MAP3K1: variants seen among roughly 807,000 people sequenced by gnomAD.
The protein encoded by MAP3K1 is mitogen-activated protein kinase kinase kinase 1.
A neutral mutation model predicts 144.2 loss-of-function variants in MAP3K1; 36 were observed. The ratio of observed to expected loss-of-function variants is 0.25; its 90% CI spans 0.19 to 0.33. The LOEUF (loss-of-function observed/expected upper bound fraction) is 0.33, where lower values mean the gene tolerates loss of function less well. Ranked by LOEUF, MAP3K1 falls within the 10% of genes least tolerant of loss-of-function variation. The pLI is 1.00. For missense variants in MAP3K1, 1,650 were observed against 1,881.9 expected, an observed-to-expected ratio of 0.88 and a Z score of 2.28; for synonymous variants, 718 against 688.7, an observed-to-expected ratio of 1.04 and a Z score of -0.67.
intron 19 of MAP3K1, among the ~76,000 whole-genome samples, chr5:56,892,701 G>A (rs1439501906): frequency 6.6e-6 from 1 of 152,128 alleles, no homozygotes; most frequent in Non-Finnish European, 1.5e-5. Context: ...TTATTTTTAG[G>A]AATGCATTTC....
In MAP3K1 at chr5:56,888,339, T is replaced by A; in HGVS notation, c.4371T>A (p.His1457Gln). The A allele has an allele frequency of 6.2e-7, 1 of 1,614,092 alleles. No individual in the cohort carries two copies. Among genetic ancestry groups the A allele is most frequent in the Non-Finnish European group, 8.5e-7 (1 of 1,179,988 alleles). ...PPWNAEKHSNHLALIFKIASA... is the reference protein window; with the variant it reads ...PPWNAEKHSNQLALIFKIASA... ...GGAATGCAGAAAAACACTCCAATCA[T>A]CTTGCTTTGATATTTAAGGTAATTG... The change falls in exon 19 of 20, where the codon CAT becomes CAA. Residue 1457 changes from histidine (H) to glutamine (Q), a missense_variant. By Grantham distance (24) the His-to-Gln change is conservative (BLOSUM62 0). Around this residue, in one of 6 missense-constraint regions of MAP3K1, gnomAD observed 165 missense variants for 322.9 expected, o/e 0.51. Coordinates refer to ENST00000399503, the MANE Select transcript of MAP3K1 (RefSeq NM_005921.2).
intron 10 of MAP3K1, among the ~76,000 whole-genome samples, chr5:56,876,913 A>AT (rs1222076201): frequency 6.6e-6 from 1 of 152,176 alleles, no homozygotes; most frequent in African/African-American, 2.4e-5. Flanking sequence ...CCTAAAGCAT[A>AT]TTCTGTGGAA....
At chr5:56,845,687 A>G (rs925781992) in intron 1 of MAP3K1, among the ~76,000 whole-genome samples, 2 of 152,254 alleles carry the variant, frequency 1.3e-5, no homozygotes, top group African/African-American at 2.4e-5. Flanking sequence ...TCTGTGTTCA[A>G]CAATTAGGGA....
rs758657390 is a variant in MAP3K1, at chr5:56,888,175, T to G, written c.4258-51T>G. On this transcript the variant is annotated intron_variant, in intron 18 of 19. Transcript: ENST00000399503. The stretch of plus-strand genomic sequence containing the variant: ...TAGAATCTATAACTACAAAATGGCC[T>G]TCTCTTTTTCAAATGAGTCCTATTT... The G allele has an allele frequency of 4.4e-6, 7 of 1,575,416 alleles. No individual in the cohort carries two copies. The East Asian group carries it at 1.3e-4, about 30-fold the overall frequency.
At chr5:56,873,498 A>G (rs1747923383) in intron 9 of MAP3K1, among the ~76,000 whole-genome samples, 1 of 152,270 alleles carries the variant, frequency 6.6e-6, no homozygotes, top group East Asian at 1.9e-4. Context: ...TATTTGTAAG[A>G]ACAGTTTCCC....
intron 1 of MAP3K1, among the ~76,000 whole-genome samples, chr5:56,850,897 C>T (rs1747149553): frequency 6.6e-6 from 1 of 152,182 alleles, no homozygotes; most frequent in South Asian, 2.1e-4. Flanking sequence ...TAAGGATGAG[C>T]CATTTAATAA....
intron 1 of MAP3K1, among the ~76,000 whole-genome samples, chr5:56,826,291 G>T (rs1001666253): frequency 2.0e-5 from 3 of 152,152 alleles, no homozygotes; most frequent in Non-Finnish European, 4.4e-5. Flanking sequence ...ATTCTGCCGA[G>T]CTCTGGTTTA....
At chr5:56,886,410 G>C (rs372020939) in intron 17 of MAP3K1, among the ~76,000 whole-genome samples, 9 of 151,970 alleles carry the variant, frequency 5.9e-5, no homozygotes, top group African/African-American at 1.4e-4. Context: ...TCTCAAAGAA[G>C]AACAAAAAAA....
intron 1 of MAP3K1, among the ~76,000 whole-genome samples, chr5:56,818,943 C>T (rs919474716): frequency 1.1e-4 from 17 of 152,056 alleles, no homozygotes; most frequent in African/African-American, 3.6e-4. Context: ...TGACCTTTTA[C>T]TAAAGAGGAG....
intron 1 of MAP3K1, among the ~76,000 whole-genome samples, chr5:56,842,439 T>C (rs759879812): frequency 6.6e-6 from 1 of 152,230 alleles, no homozygotes; most frequent in Non-Finnish European, 1.5e-5. Context: ...TCTTACCTTG[T>C]AGCTTTGGTG....
chr5:56,854,364 C>T (rs1041876673), intron 1 of MAP3K1, among the ~76,000 whole-genome samples: 33 of 129,188 alleles, frequency 2.6e-4, no homozygotes, highest in African/African-American at 8.9e-4. Flanking sequence ...ACCTGGGAGG[C>T]GGAGGTTGCC....
At position 56,895,366 on chromosome 5, in the gene MAP3K1, G is replaced by GTT. The variant is rs369894303; in HGVS notation, c.*1700_*1701dup. On this transcript the variant is annotated 3_prime_UTR_variant, in exon 20 of 20. Transcript: ENST00000399503. ...TGTACTTGACTTTCTTTTTTATTTT[G>GTT]TTTTTTTTTTTTTTTGACTACTTAG... 0.056 allele frequency: 4,878 copies of GTT among 87,018 alleles called. 228 individuals carry two copies. Among genetic ancestry groups the GTT allele is most frequent in the African/African-American group, 0.18 (4,457 of 24,274 alleles). 5.4% of individuals were successfully genotyped at this position (87,018 alleles called of 1,614,324 possible). A position where few individuals can be genotyped will look rare whatever the true frequency, so the allele number is the denominator to read the frequency against.
chr5:56,884,445 T>C (rs1252718971), intron 15 of MAP3K1, among the ~76,000 whole-genome samples: 1 of 152,238 alleles, frequency 6.6e-6, no homozygotes, highest in African/African-American at 2.4e-5. Flanking sequence ...GAATATTGAC[T>C]ATATCCCAAT....
intron 9 of MAP3K1, among the ~76,000 whole-genome samples, chr5:56,873,679 A>T (rs1380927941): frequency 6.6e-6 from 1 of 152,216 alleles, no homozygotes; most frequent in East Asian, 1.9e-4. Context: ...AAAGTAAAAT[A>T]ATTATTTTCA....
intron 16 of MAP3K1, 109 bp downstream of exon 16, chr5:56,884,935 C>A (rs1263409294): frequency 2.9e-6 from 3 of 1,017,612 alleles, no homozygotes; most frequent in Non-Finnish European, 4.4e-6. Flanking sequence ...GTTTGGGTTT[C>A]TAAAAACAAA....
intron 9 of MAP3K1, 61 bp downstream of exon 9, chr5:56,873,066 G>A (rs1747908282): frequency 5.5e-6 from 8 of 1,448,658 alleles, no homozygotes; most frequent in Non-Finnish European, 7.7e-6. Flanking sequence ...TAATGTATTT[G>A]TCTCCTTCCC....
intron 6 of MAP3K1, among the ~76,000 whole-genome samples, chr5:56,868,384 T>A (rs995817408): frequency 2.0e-5 from 3 of 152,118 alleles, no homozygotes. Flanking sequence ...ATGGTTTCTT[T>A]CTTTCTTTTC....
intron 10 of MAP3K1, among the ~76,000 whole-genome samples, chr5:56,876,361 C>T (rs1399896127): frequency 6.6e-6 from 1 of 151,654 alleles, no homozygotes; most frequent in Non-Finnish European, 1.5e-5. Flanking sequence ...AGAATCACTA[C>T]TTTAATTCTT....
chr5:56,859,011 A>G (rs1333582689), intron 2 of MAP3K1, among the ~76,000 whole-genome samples: 2 of 151,684 alleles, frequency 1.3e-5, no homozygotes, highest in African/African-American at 4.9e-5. Flanking sequence ...CAGTTGTACA[A>G]AGCTGTGGAG....
Sources: allele counts gnomAD v4.1 joint callset (sites outside exome capture counted in the v4.1 genomes callset), GRCh38; gene constraint gnomAD v4.1.1; regional missense constraint gnomAD v4.1.1; transcripts MANE v1.5; gene names NCBI Gene and HGNC (gene_info 2026-07-23, HGNC 2026-07-21).